CDH11: variants seen among roughly 807,000 people sequenced by gnomAD.
CDH11 encodes the protein cadherin-11.
Under a neutral mutation model 67.8 loss-of-function variants are expected in CDH11, and 11 were observed. The observed-to-expected ratio is 0.16, with a 90% confidence interval of 0.10 to 0.27. The LOEUF (loss-of-function observed/expected upper bound fraction) is 0.27, where lower values mean the gene tolerates loss of function less well. Among genes scored for constraint, CDH11 ranks in the 10% least tolerant of loss-of-function variants. CDH11 has a pLI of 1.00. For synonymous variants in CDH11, 419 were observed against 400.0 expected (o/e 1.05, Z -0.57); for missense variants, 847 against 1,031.2 (o/e 0.82, Z 2.45).
chr16:65,076,473 G>A (rs895539765), intron 1 of CDH11, among the ~76,000 whole-genome samples: 3 of 152,180 alleles, frequency 2.0e-5, no homozygotes, highest in Non-Finnish European at 4.4e-5. Flanking sequence ...AGACTGGGTG[G>A]AGAAAAAGGT....
upstream of CDH11, chr16:65,123,637 CG>C (rs2075372063): frequency 1.3e-5 from 2 of 152,052 alleles, no homozygotes; most frequent in Admixed American, 1.3e-4. Context: ...GAGACGCCCG[CG>C]GGGGCGGGTG....
chr16:65,110,996 ACT>A (rs796469980), intron 1 of CDH11, among the ~76,000 whole-genome samples: 6 of 151,926 alleles, frequency 3.9e-5, no homozygotes, highest in African/African-American at 1.4e-4. Flanking sequence ...GTTTAACAAG[ACT>A]CTGTCCCTGC....
chr16:64,950,978 A>C lies in CDH11; in HGVS notation c.1683T>G (p.Ser561Arg). The C allele has an allele frequency of 1.9e-6, 3 of 1,614,110 alleles. No individual in the cohort carries two copies. Among genetic ancestry groups the C allele is most frequent in the African/African-American group, 1.3e-5 (1 of 75,070 alleles). ...AGVYARRGGF[S>R]RQKQDLYLLP... Reference sequence around the variant, plus strand: ...GAAGGTACAAGTCCTGCTTCTGCCGACTGAACCCTCCACGCCGGGCGTACA... The same window carrying C: ...GAAGGTACAAGTCCTGCTTCTGCCGCCTGAACCCTCCACGCCGGGCGTACA... The change falls in exon 12 of 13, where the codon AGT (serine) becomes AGG (arginine). Residue 561 changes from serine to arginine, a missense_variant. Ser to Arg is a moderately radical substitution (Grantham distance 110). Transcript: ENST00000268603.
At position 65,039,506 on chromosome 16, in the gene CDH11, A is replaced by C. The variant is rs1385451967; in HGVS notation, c.-173+14298T>G. 2.0e-5 allele frequency among the ~76,000 whole-genome samples: 3 copies of C among 152,352 alleles called. No homozygotes were observed. In the East Asian group the frequency reaches 5.8e-4, roughly 29 times the overall value. ...ATGGTGCTGGGAAAACTGGCTAGCC[A>C]TATGTAGAAAGCTGAAAGTGGATCC... On this transcript the variant is annotated intron_variant, in intron 2 of 12. Transcript: ENST00000268603.
chr16:65,004,196 T>C (rs1397825007), intron 3 of CDH11, among the ~76,000 whole-genome samples: 2 of 151,970 alleles, frequency 1.3e-5, no homozygotes, highest in Admixed American at 6.6e-5. Context: ...CAAGACCTTT[T>C]CTCTAAAAAA....
Position 64,950,947 on chromosome 16 carries a change from T to C in CDH11, c.1714A>G (p.Ile572Val), listed in dbSNP as rs2071345614. The C allele has an allele frequency of 6.2e-7, 1 of 1,614,196 alleles. No individual in the cohort carries two copies. Among genetic ancestry groups the C allele is most frequent in the South Asian group, 1.1e-5 (1 of 91,090 alleles). The change falls in exon 12 of 13, where the codon ATA becomes GTA. Residue 572 changes from isoleucine (I) to valine (V), a missense_variant. Physicochemically the swap from Ile to Val is conservative, Grantham distance 29. This residue lies in a region of CDH11 where 612 missense variants were observed against 678.7 expected (regional missense o/e 0.90). Coordinates refer to ENST00000268603, the MANE Select transcript of CDH11 (RefSeq NM_001797.4). ...RQKQDLYLLP[I>V]VISDGGIPPM... ...GGGATGCCGCCATCGCTGATCACTA[T>C]GGGCAGAAGGTACAAGTCCTGCTTC... is the stretch of plus-strand genomic sequence containing the variant.
At chr16:64,969,370 G>A (rs1036656947) in intron 11 of CDH11, among the ~76,000 whole-genome samples, 10 of 152,124 alleles carry the variant, frequency 6.6e-5, no homozygotes, top group African/African-American at 2.2e-4. Context: ...AATATTGCTA[G>A]GAATACAGCC....
Position 64,953,862 on chromosome 16 carries a change from A to G in CDH11, c.1643-2844T>C, listed in dbSNP as rs771189304. ...TCTAGGTCAAAGAAAACTCTTTGAT[A>G]TGGGTGACATGCCCAGCAGATGACT... On this transcript the variant is annotated intron_variant, in intron 11 of 12. Transcript: ENST00000268603. Among the ~76,000 whole-genome samples the G allele has an allele frequency of 3.3e-5, 5 of 152,230 alleles. No homozygotes were observed. The East Asian group carries it at 9.6e-4, about 29-fold the overall frequency.
intron 2 of CDH11, among the ~76,000 whole-genome samples, chr16:65,027,055 A>T (rs2073548421): frequency 6.6e-6 from 1 of 152,134 alleles, no homozygotes; most frequent in East Asian, 1.9e-4. Flanking sequence ...GGCAAGTGCC[A>T]TGTTTCTATC....
intron 1 of CDH11, among the ~76,000 whole-genome samples, chr16:65,069,157 T>C (rs1049228669): frequency 6.6e-6 from 1 of 152,180 alleles, no homozygotes; most frequent in African/African-American, 2.4e-5. Context: ...AACGTTTAAG[T>C]AAAACAGAAT....
intron 2 of CDH11, among the ~76,000 whole-genome samples, chr16:65,010,781 T>A (rs1473132346): frequency 6.6e-6 from 1 of 152,008 alleles, no homozygotes; most frequent in Non-Finnish European, 1.5e-5. Flanking sequence ...TCACTACCTA[T>A]GTGTCAGGTT....
intron 1 of CDH11, among the ~76,000 whole-genome samples, chr16:65,077,430 GA>G (rs1462128858): frequency 9.2e-5 from 14 of 152,214 alleles, no homozygotes; most frequent in Non-Finnish European, 1.9e-4. Context: ...GCAGAAGAGT[GA>G]AATTGTGATG....
intron 2 of CDH11, among the ~76,000 whole-genome samples, chr16:65,048,688 G>A (rs1462953328): frequency 6.6e-6 from 1 of 151,676 alleles, no homozygotes; most frequent in African/African-American, 2.4e-5. Flanking sequence ...ATATATGTGT[G>A]TGTATATGTA....
At chr16:65,122,232 G>A, upstream of CDH11, 1 of 490,302 alleles carries the variant, frequency 2.0e-6, no homozygotes, top group African/African-American at 2.1e-5. Flanking sequence ...GATGGGCCTC[G>A]CAGAGGCTGC....
At chr16:65,043,022 C>A (rs910835205) in intron 2 of CDH11, among the ~76,000 whole-genome samples, 1 of 152,142 alleles carries the variant, frequency 6.6e-6, no homozygotes, top group African/African-American at 2.4e-5. Context: ...CTTGCTACTC[C>A]ATGTAAATGC....
intron 11 of CDH11, among the ~76,000 whole-genome samples, chr16:64,957,137 G>A (rs943743062): frequency 3.9e-5 from 6 of 152,036 alleles, no homozygotes; most frequent in African/African-American, 9.7e-5. Flanking sequence ...CCAGGGCAAC[G>A]GCATCAGTCA....
At chr16:64,964,840 G>A (rs1038238709) in intron 11 of CDH11, among the ~76,000 whole-genome samples, 4 of 151,960 alleles carry the variant, frequency 2.6e-5, no homozygotes, top group East Asian at 1.9e-4. Context: ...GAGCCACTGC[G>A]CCCAGCCCTG....
intron 6 of CDH11, 69 bp from the exon 7 acceptor site, chr16:64,988,413 G>T: frequency 2.3e-6 from 3 of 1,323,612 alleles, no homozygotes; most frequent in South Asian, 1.5e-5. Context: ...AGATTTCATT[G>T]AATCCCAATA....
intron 1 of CDH11, among the ~76,000 whole-genome samples, chr16:65,096,530 T>G (rs572529005): frequency 4.3e-4 from 65 of 151,156 alleles, no homozygotes; most frequent in Admixed American, 1.3e-3. Context: ...TGTACATATA[T>G]GTATATATAC....
Sources: gnomAD v4.1 joint callset for allele counts (sites outside exome capture counted in the v4.1 genomes callset) on GRCh38, gnomAD v4.1.1 for gene constraint, gnomAD v4.1.1 regional missense constraint, MANE v1.5 for transcripts, NCBI Gene and HGNC (gene_info 2026-07-23, HGNC 2026-07-21) for gene names.